Variants in CECR2 observed in about 807,000 individuals in gnomAD.
The protein encoded by CECR2 is chromatin remodeling regulator CECR2.
A neutral mutation model predicts 154.5 loss-of-function variants in CECR2; 30 were observed. The observed-to-expected ratio is 0.19, with a 90% confidence interval of 0.15 to 0.26. CECR2 has a LOEUF of 0.26. Among genes scored for constraint, CECR2 ranks in the 10% least tolerant of loss-of-function variants. The pLI, the probability that CECR2 is intolerant of heterozygous loss-of-function variation, is 1.00. For synonymous variants in CECR2, 725 were observed against 683.7 expected (o/e 1.06, Z -0.94); for missense variants, 1,743 against 1,829.3 (o/e 0.95, Z 0.86).
chr22:17,426,329 A>G (rs2054329241), intron 1 of CECR2, among the ~76,000 whole-genome samples: 1 of 152,038 alleles, frequency 6.6e-6, no homozygotes, highest in African/African-American at 2.4e-5. Context: ...AATAAAGTCC[A>G]TATGTTGTAA....
chr22:17,542,740 C>G lies in CECR2; in HGVS notation c.2597C>G (p.Pro866Arg). The G allele has an allele frequency of 6.2e-7, 1 of 1,614,036 alleles. No individual in the cohort carries two copies. Among genetic ancestry groups the G allele is most frequent in the Non-Finnish European group, 8.5e-7 (1 of 1,179,904 alleles). The change falls in exon 16 of 19, where the codon CCT becomes CGT. Residue 866 changes from proline (P) to arginine (R), a missense_variant. This residue lies in a region of CECR2 where 1,250 missense variants were observed against 1,192.1 expected (regional missense o/e 1.05). Coordinates refer to ENST00000262608, the MANE Select transcript of CECR2 (RefSeq NM_001290047.2). ...VPAPSSLFGAPAQALRGVQGG... is the reference protein window; with the variant it reads ...VPAPSSLFGARAQALRGVQGG... ...GCACCCAGTTCTTTGTTTGGAGCACCTGCCCAGGCTCTTCGGGGGGTGCAG... is the reference window on the plus strand; with the variant it reads ...GCACCCAGTTCTTTGTTTGGAGCACGTGCCCAGGCTCTTCGGGGGGTGCAG...
At chr22:17,431,933 A>C (rs1415952872) in intron 1 of CECR2, among the ~76,000 whole-genome samples, 1 of 151,908 alleles carries the variant, frequency 6.6e-6, no homozygotes, top group East Asian at 1.9e-4. Context: ...CAGCAGGCAC[A>C]CTCCACTCAC....
At chr22:17,516,602 T>A (rs1008174314) in intron 8 of CECR2, among the ~76,000 whole-genome samples, 1 of 150,900 alleles carries the variant, frequency 6.6e-6, no homozygotes, top group Non-Finnish European at 1.5e-5. Context: ...CTGGCTGGTG[T>A]TTTGTTTTGT....
intron 1 of CECR2, among the ~76,000 whole-genome samples, chr22:17,361,597 G>C (rs1280941299): frequency 3.3e-5 from 5 of 151,990 alleles, no homozygotes; most frequent in African/African-American, 7.3e-5. Context: ...AAATTAGCCG[G>C]GCATGGTGGC....
At chr22:17,503,299 C>T (rs1214855146) in intron 6 of CECR2, among the ~76,000 whole-genome samples, 168 bp downstream of exon 6, 3 of 152,186 alleles carry the variant, frequency 2.0e-5, no homozygotes, top group Non-Finnish European at 4.4e-5. Context: ...ATCCTGTGCC[C>T]AGCTCATCAT....
At chr22:17,386,358 C>T (rs1178091793) in intron 1 of CECR2, among the ~76,000 whole-genome samples, 1 of 149,920 alleles carries the variant, frequency 6.7e-6, no homozygotes, top group Non-Finnish European at 1.5e-5. Flanking sequence ...AAAGGAAGGG[C>T]GTTTTAAAAA....
chr22:17,551,999 A>C (rs2056715121), intron 17 of CECR2, 32 bp from the exon 18 acceptor site: 1 of 1,595,912 alleles, frequency 6.3e-7, no homozygotes, highest in African/African-American at 1.3e-5. Context: ...CGTCTTCATT[A>C]ATTCTTCATT....
In CECR2 at chr22:17,553,685, C is replaced by G. The variant is rs1047808322; in HGVS notation, c.*845C>G. ...ACAGGCTGCTCTCTCATGCTGGTGG[C>G]CCAAATTGAGAAAGTGGTGTCCCTT... On this transcript the variant is annotated 3_prime_UTR_variant, in exon 19 of 19. Coordinates refer to ENST00000262608, the MANE Select transcript of CECR2 (RefSeq NM_001290047.2). The G allele has an allele frequency of 1.3e-5, 2 of 152,196 alleles. No individual in the cohort carries two copies. Among genetic ancestry groups the G allele is most frequent in the Non-Finnish European group, 2.9e-5 (2 of 68,038 alleles). The allele number at this position is 152,196 out of a possible 1,614,324, so 9.4% of individuals were successfully genotyped here.
At chr22:17,481,342 CAAAAAAAAA>C (rs10714119) in intron 2 of CECR2, among the ~76,000 whole-genome samples, 2 of 73,778 alleles carry the variant, frequency 2.7e-5, no homozygotes, top group African/African-American at 5.2e-5. Flanking sequence ...GACTCTGTCT[CAAAAAAAAA>C]AAAAAAAAAA....
chr22:17,463,157 A>G (rs1414424451), intron 1 of CECR2, among the ~76,000 whole-genome samples: 1 of 152,212 alleles, frequency 6.6e-6, no homozygotes, highest in African/African-American at 2.4e-5. Context: ...CAGATGCCCC[A>G]GCCGGGAGTG....
intron 5 of CECR2, 83 bp downstream of exon 5, chr22:17,500,818 G>C (rs1348418816): frequency 2.9e-6 from 3 of 1,017,728 alleles, no homozygotes; most frequent in African/African-American, 3.3e-5. Flanking sequence ...TATTTTGCCT[G>C]TGCCATGGGA....
chr22:17,544,174 T>G (rs757399906), intron 16 of CECR2, among the ~76,000 whole-genome samples: 4 of 152,096 alleles, frequency 2.6e-5, no homozygotes, highest in Non-Finnish European at 5.9e-5. Context: ...GAGACCAGCC[T>G]GGGCAAGAGA....
intron 8 of CECR2, chr22:17,518,719 C>T: frequency 2.4e-6 from 1 of 419,136 alleles, no homozygotes. Context: ...GCAGTTGGCA[C>T]AGCAGGATCC....
intron 1 of CECR2, among the ~76,000 whole-genome samples, chr22:17,467,944 T>C (rs114555784): frequency 2.0e-3 from 298 of 152,288 alleles, no homozygotes; most frequent in African/African-American, 6.7e-3. Context: ...GTGTTCTGTT[T>C]TTGCATATAT....
chr22:17,419,887 G>T (rs1453517639), intron 1 of CECR2: 1 of 257,308 alleles, frequency 3.9e-6, no homozygotes, highest in Non-Finnish European at 7.8e-6. Context: ...AAAAAGTCAT[G>T]GCAGATGAGG....
At chr22:17,379,614 G>GTC in intron 1 of CECR2, among the ~76,000 whole-genome samples, 1 of 151,026 alleles carries the variant, frequency 6.6e-6, no homozygotes, top group Non-Finnish European at 1.5e-5. Flanking sequence ...GTGTGTGTGT[G>GTC]TGTGTGTGTG....
At chr22:17,384,937 G>A (rs1380463819) in intron 1 of CECR2, among the ~76,000 whole-genome samples, 1 of 152,226 alleles carries the variant, frequency 6.6e-6, no homozygotes, top group Non-Finnish European at 1.5e-5. Context: ...ATAACTTGCT[G>A]CAGCTTCTGT....
intron 7 of CECR2, among the ~76,000 whole-genome samples, chr22:17,505,643 C>T (rs1228688918): frequency 6.8e-6 from 1 of 146,838 alleles, no homozygotes; most frequent in African/African-American, 2.5e-5. Flanking sequence ...AAGCGATTCT[C>T]CTGCCTCAGC....
chr22:17,525,327 A>AGG (rs1268606418), intron 9 of CECR2, among the ~76,000 whole-genome samples: 4 of 119,286 alleles, frequency 3.4e-5, no homozygotes, highest in African/African-American at 1.2e-4. Flanking sequence ...AAAGGAAGGG[A>AGG]GGGAGGGAAA....
Sources: gnomAD v4.1 joint callset for allele counts (sites outside exome capture counted in the v4.1 genomes callset) on GRCh38, gnomAD v4.1.1 for gene constraint, gnomAD v4.1.1 regional missense constraint, MANE v1.5 for transcripts, NCBI Gene and HGNC (gene_info 2026-07-23, HGNC 2026-07-21) for gene names.